Variants in PTPRM observed in about 807,000 individuals in gnomAD.
The protein encoded by PTPRM is protein tyrosine phosphatase receptor type M, also known as receptor-type tyrosine-protein phosphatase mu.
In PTPRM, 47 loss-of-function variants were observed where a neutral mutation model predicts 186.7. The ratio of observed to expected loss-of-function variants is 0.25; its 90% CI spans 0.20 to 0.32. The LOEUF (loss-of-function observed/expected upper bound fraction) is 0.32, where lower values mean the gene tolerates loss of function less well. PTPRM is among the 10% of genes least tolerant of loss of function. The pLI is 1.00. For synonymous variants in PTPRM, 668 were observed against 674.9 expected, an observed-to-expected ratio of 0.99 and a Z score of 0.16; for missense variants, 1,494 against 1,865.0, an observed-to-expected ratio of 0.80 and a Z score of 3.66.
intron 7 of PTPRM, among the ~76,000 whole-genome samples, chr18:7,991,025 A>G (rs1345008469): frequency 6.6e-6 from 1 of 152,194 alleles, no homozygotes; most frequent in Non-Finnish European, 1.5e-5. Context: ...AATTCAGTGG[A>G]ATCAGTGAAT....
At chr18:7,984,598 TATATACACACACAC>T (rs1487206315) in intron 7 of PTPRM, among the ~76,000 whole-genome samples, 38 of 115,112 alleles carry the variant, frequency 3.3e-4, no homozygotes, top group Non-Finnish European at 6.3e-4. Context: ...TATATATATA[TATATACACACACAC>T]ACACACACAC....
chr18:7,682,521 G>A (rs1160540679), intron 1 of PTPRM, among the ~76,000 whole-genome samples: 3 of 152,046 alleles, frequency 2.0e-5, no homozygotes, highest in African/African-American at 4.8e-5. Context: ...TCAGGGTATG[G>A]GACAATTGTT....
chr18:7,710,032 C>T (rs1300412196), intron 1 of PTPRM, among the ~76,000 whole-genome samples: 1 of 152,080 alleles, frequency 6.6e-6, no homozygotes, highest in Admixed American at 6.6e-5. Context: ...GGGAATCCTC[C>T]CTAAGTCATT....
At chr18:7,840,939 A>G (rs2046291144) in intron 2 of PTPRM, among the ~76,000 whole-genome samples, 1 of 152,200 alleles carries the variant, frequency 6.6e-6, no homozygotes, top group Non-Finnish European at 1.5e-5. Context: ...GTGTGTTCCA[A>G]ATTGACCTGA....
At chr18:8,174,658 A>G (rs972582232) in intron 14 of PTPRM, among the ~76,000 whole-genome samples, 4 of 152,210 alleles carry the variant, frequency 2.6e-5, no homozygotes, top group African/African-American at 9.6e-5. Context: ...AAATAAAAAT[A>G]TGCCTTGCTA....
chr18:8,168,084 G>C (rs1299015333), intron 14 of PTPRM, among the ~76,000 whole-genome samples: 1 of 152,202 alleles, frequency 6.6e-6, no homozygotes, highest in Non-Finnish European at 1.5e-5. Context: ...ACAATGCTGA[G>C]TATGTTTCTA....
intron 23 of PTPRM, among the ~76,000 whole-genome samples, chr18:8,353,859 TGAG>T (rs1025062775): frequency 6.6e-6 from 1 of 152,146 alleles, no homozygotes; most frequent in African/African-American, 2.4e-5. Context: ...TTGGCTGCAC[TGAG>T]GATATCAAGA....
At chr18:8,240,777 G>GGAGGGAGAGAGAGAGAGA (rs2094420075) in intron 14 of PTPRM, among the ~76,000 whole-genome samples, 12 of 57,348 alleles carry the variant, frequency 2.1e-4, no homozygotes, top group African/African-American at 5.4e-4. Context: ...AGAGAGAGAG[G>GGAGGGAGAGAGAGAGAGA]GAGAGAGAGA....
At chr18:7,825,327 G>A (rs755034869) in intron 2 of PTPRM, among the ~76,000 whole-genome samples, 69 of 152,128 alleles carry the variant, frequency 4.5e-4, no homozygotes, top group Non-Finnish European at 8.5e-4. Flanking sequence ...GGACTACTAT[G>A]AGATTGCTTA....
chr18:7,683,049 C>A (rs148125126), intron 1 of PTPRM, among the ~76,000 whole-genome samples: 1 of 152,206 alleles, frequency 6.6e-6, no homozygotes, highest in East Asian at 1.9e-4. Flanking sequence ...AGGTCATGTC[C>A]ATGAGGCTTA....
intron 20 of PTPRM, among the ~76,000 whole-genome samples, chr18:8,311,387 C>G (rs76286671): frequency 6.6e-6 from 1 of 151,984 alleles, no homozygotes; most frequent in Non-Finnish European, 1.5e-5. Flanking sequence ...GGACCACCAC[C>G]CATTCATTAG....
chr18:7,879,078 C>T (rs56051067), intron 2 of PTPRM, among the ~76,000 whole-genome samples: 2 of 152,134 alleles, frequency 1.3e-5, no homozygotes, highest in Non-Finnish European at 2.9e-5. Flanking sequence ...CTAGTATTTT[C>T]TACCTAAGTC....
At chr18:7,643,980 C>T (rs1054855733) in intron 1 of PTPRM, among the ~76,000 whole-genome samples, 25 of 152,034 alleles carry the variant, frequency 1.6e-4, no homozygotes, top group South Asian at 2.1e-4. Flanking sequence ...AACCAGACAG[C>T]ACATATTTAA....
chr18:7,902,747 C>G (rs1216036370), intron 3 of PTPRM, among the ~76,000 whole-genome samples: 1 of 151,516 alleles, frequency 6.6e-6, no homozygotes, highest in Non-Finnish European at 1.5e-5. Context: ...CGTAAAACTT[C>G]TGAGTCATCC....
At chr18:8,261,667 C>T (rs1036738892) in intron 19 of PTPRM, among the ~76,000 whole-genome samples, 4 of 152,096 alleles carry the variant, frequency 2.6e-5, no homozygotes, top group South Asian at 2.1e-4. Flanking sequence ...ATACAGTTTT[C>T]GTTTGCCCTT....
intron 32 of PTPRM, among the ~76,000 whole-genome samples, chr18:8,398,104 C>G (rs937618584): frequency 6.6e-6 from 1 of 152,208 alleles, no homozygotes; most frequent in Non-Finnish European, 1.5e-5. Context: ...TCTCAAGTAG[C>G]TGGAACTAAA....
At chr18:7,597,418 AT>A (rs1272841041) in intron 1 of PTPRM, among the ~76,000 whole-genome samples, 1 of 151,846 alleles carries the variant, frequency 6.6e-6, no homozygotes, top group Non-Finnish European at 1.5e-5. Flanking sequence ...ATGGGAGGTA[AT>A]TTTCCCCCAA....
At position 8,069,798 on chromosome 18, in the gene PTPRM, C is replaced by T. The variant is rs745313176; in HGVS notation, c.1245C>T (p.Leu415=). The T allele has an allele frequency of 8.8e-5, 142 of 1,613,892 alleles. No individual in the cohort carries two copies. Among genetic ancestry groups the T allele is most frequent in the Non-Finnish European group, 1.1e-4 (135 of 1,179,868 alleles). ...YNVTRCHSYN[L]TVHYCYQVGG... ...TAACTCGTTGCCACAGTTATAATCT[C>T]ACTGTCCACTACTGTTACCAAGTTG... The change falls in exon 8 of 33, where the codon CTC becomes CTT. Residue 415 remains leucine, a synonymous_variant. Transcript: ENST00000580170.
chr18:8,397,106 A>C (rs1396461838), intron 32 of PTPRM, among the ~76,000 whole-genome samples: 1 of 152,254 alleles, frequency 6.6e-6, no homozygotes, highest in Non-Finnish European at 1.5e-5. Flanking sequence ...CCGCGTCTTC[A>C]GAGGATGACG....
Sources: allele counts gnomAD v4.1 joint callset (sites outside exome capture counted in the v4.1 genomes callset), GRCh38; gene constraint gnomAD v4.1.1; transcripts MANE v1.5; gene names NCBI Gene and HGNC (gene_info 2026-07-23, HGNC 2026-07-21).